Variants in GTF3C5 observed in about 807,000 individuals in gnomAD.
GTF3C5 encodes general transcription factor 3C polypeptide 5.
In GTF3C5, 47 loss-of-function variants were observed where a neutral mutation model predicts 61.0. That is an observed-to-expected ratio of 0.77 (90% CI 0.61 to 0.98). The LOEUF is 0.98. GTF3C5 is among the 50% of genes least tolerant of loss of function. The probability of loss-of-function intolerance (pLI) is 0.00; values close to 1 mark genes in which losing one functional copy is unlikely to be tolerated. For synonymous variants in GTF3C5, 295 were observed against 275.4 expected (o/e 1.07, Z -0.71); for missense variants, 659 against 703.3 (o/e 0.94, Z 0.71).
intron 1 of GTF3C5, among the ~76,000 whole-genome samples, chr9:133,040,170 C>G (rs1849995923): frequency 6.6e-6 from 1 of 152,216 alleles, no homozygotes; most frequent in Non-Finnish European, 1.5e-5. Flanking sequence ...CTCCCCTGTG[C>G]CAGGCCTACG....
chr9:133,032,716 A>T (rs1363745195), intron 1 of GTF3C5, among the ~76,000 whole-genome samples: 1 of 152,184 alleles, frequency 6.6e-6, no homozygotes, highest in African/African-American at 2.4e-5. Context: ...ACAGGGTATG[A>T]TACAACATCC....
intron 9 of GTF3C5, 88 bp downstream of exon 9, chr9:133,056,182 G>C: frequency 9.3e-7 from 1 of 1,070,220 alleles, no homozygotes; most frequent in Non-Finnish European, 1.4e-6. Context: ...ACTTCACGTC[G>C]GCCTTCATCT....
At chr9:133,038,121 G>A (rs191407534) in intron 1 of GTF3C5, among the ~76,000 whole-genome samples, 4 of 152,134 alleles carry the variant, frequency 2.6e-5, no homozygotes, top group Non-Finnish European at 5.9e-5. Flanking sequence ...TTACAGAGCG[G>A]GTAACTAAGG....
chr9:133,035,796 A>G (rs916782867), intron 1 of GTF3C5, among the ~76,000 whole-genome samples: 6 of 152,182 alleles, frequency 3.9e-5, no homozygotes, highest in Non-Finnish European at 7.3e-5. Context: ...TGGGACATGG[A>G]CAGTAGCTAT....
chr9:133,046,852 C>T (rs1451922042), intron 3 of GTF3C5, among the ~76,000 whole-genome samples: 2 of 152,060 alleles, frequency 1.3e-5, no homozygotes, highest in South Asian at 2.1e-4. Flanking sequence ...AGGGGATTGG[C>T]GCATGCAAAG....
chr9:133,043,616 G>C, intron 2 of GTF3C5, 112 bp from the exon 3 acceptor site: 1 of 821,444 alleles, frequency 1.2e-6, no homozygotes, highest in South Asian at 1.5e-5. Flanking sequence ...TCACCCTGCA[G>C]CCTCCACCAC....
Position 133,058,157 on chromosome 9 carries a change from T to C in GTF3C5, c.*177T>C. The stretch of plus-strand genomic sequence containing the variant: ...CCTAGCACTGGCTGTGACATGCTGC[T>C]TGGTGCTGCCTCTGGTCCTGAGGGG... On this transcript the variant is annotated 3_prime_UTR_variant, in exon 11 of 11. Coordinates refer to ENST00000372097, the MANE Select transcript of GTF3C5 (RefSeq NM_012087.4). The C allele has an allele frequency of 7.0e-7, 1 of 1,438,166 alleles. No homozygotes were observed. 89.1% of individuals were successfully genotyped at this position (1,438,166 alleles called of 1,614,324 possible). A position where few individuals can be genotyped will look rare whatever the true frequency, so the allele number is the denominator to read the frequency against.
At chr9:133,032,645 CG>C (rs984841213) in intron 1 of GTF3C5, among the ~76,000 whole-genome samples, 1 of 152,056 alleles carries the variant, frequency 6.6e-6, no homozygotes, top group African/African-American at 2.4e-5. Context: ...CTGAATAAGG[CG>C]GGGGGAAATT....
intron 1 of GTF3C5, among the ~76,000 whole-genome samples, chr9:133,040,331 C>T (rs919318600): frequency 6.6e-6 from 1 of 152,210 alleles, no homozygotes; most frequent in Non-Finnish European, 1.5e-5. Flanking sequence ...GGAACCAGCT[C>T]ACTAGCACGT....
chr9:133,033,987 T>C (rs1419688379), intron 1 of GTF3C5, among the ~76,000 whole-genome samples: 1 of 152,084 alleles, frequency 6.6e-6, no homozygotes, highest in Non-Finnish European at 1.5e-5. Context: ...GTTTCTTCAT[T>C]GTTTTTAACC....
Position 133,052,048 on chromosome 9 carries a change from T to G in GTF3C5, c.769-12T>G, listed in dbSNP as rs1850396781. ...TGGTGCTCATCTCAGCCTCTGCCCT[T>G]GGCCTCCCCAGCTGTTTGACATCCG... is the stretch of plus-strand genomic sequence containing the variant. On this transcript the variant is annotated splice_polypyrimidine_tract_variant and intron_variant, in intron 4 of 10. Coordinates refer to ENST00000372097, the MANE Select transcript of GTF3C5 (RefSeq NM_012087.4). The G allele has an allele frequency of 3.3e-6, 5 of 1,512,314 alleles. No homozygotes were observed. In the South Asian group the frequency reaches 5.8e-5, roughly 18 times the overall value. The allele number at this position is 1,512,314 out of a possible 1,614,324, so 93.7% of individuals were successfully genotyped here.
At chr9:133,035,648 A>C (rs929646344) in intron 1 of GTF3C5, among the ~76,000 whole-genome samples, 14 of 152,264 alleles carry the variant, frequency 9.2e-5, no homozygotes, top group African/African-American at 2.6e-4. Flanking sequence ...GTGGAAGAGA[A>C]GATGGGAACT....
At chr9:133,046,715 A>G (rs1447701524) in intron 3 of GTF3C5, among the ~76,000 whole-genome samples, 1 of 152,092 alleles carries the variant, frequency 6.6e-6, no homozygotes, top group African/African-American at 2.4e-5. Flanking sequence ...GATCATGGGG[A>G]GTGGGCCACA....
At chr9:133,037,627 A>T (rs752343887) in intron 1 of GTF3C5, among the ~76,000 whole-genome samples, 4 of 152,094 alleles carry the variant, frequency 2.6e-5, no homozygotes, top group Non-Finnish European at 5.9e-5. Context: ...GAGGTGAGGA[A>T]TCCTTCTGGG....
intron 4 of GTF3C5, 21 bp from the exon 5 acceptor site, chr9:133,052,039 C>G (rs373113032): frequency 1.4e-6 from 2 of 1,408,404 alleles, no homozygotes; most frequent in South Asian, 2.4e-5. Flanking sequence ...TCATCTCAGC[C>G]TCTGCCCTTG....
At chr9:133,044,078 G>A (rs1465359933) in intron 3 of GTF3C5, 152 bp downstream of exon 3, 2 of 574,286 alleles carry the variant, frequency 3.5e-6, no homozygotes, top group Non-Finnish European at 6.1e-6. Flanking sequence ...CCAGGAGGCG[G>A]AGGTTGCAGT....
intron 3 of GTF3C5, chr9:133,044,207 T>C (rs527871808): frequency 5.2e-5 from 23 of 444,600 alleles, no homozygotes; most frequent in African/African-American, 3.9e-4. Context: ...AACAGACGTA[T>C]TGGGATTGAA....
intron 6 of GTF3C5, 151 bp from the exon 7 acceptor site, chr9:133,054,257 G>A (rs1396678364): frequency 9.2e-6 from 6 of 655,486 alleles, no homozygotes; most frequent in East Asian, 5.4e-5. Context: ...GCTGAGATGT[G>A]TTGGTGACCG....
chr9:133,055,435 T>A (rs967703223), intron 8 of GTF3C5: 3 of 1,237,566 alleles, frequency 2.4e-6, no homozygotes, highest in South Asian at 2.8e-5. Flanking sequence ...CCTGCCTATT[T>A]TCTAGGTTTT....
Sources: allele counts gnomAD v4.1 joint callset (sites outside exome capture counted in the v4.1 genomes callset), GRCh38; gene constraint gnomAD v4.1.1; transcripts MANE v1.5; gene names NCBI Gene and HGNC (gene_info 2026-07-23, HGNC 2026-07-21).